KCTD16: variants seen among roughly 807,000 people sequenced by gnomAD.
The protein encoded by KCTD16 is BTB/POZ domain-containing protein KCTD16.
KCTD16 carries 13 observed loss-of-function variants against 33.2 expected under a neutral mutation model. The observed-to-expected ratio is 0.39, with a 90% confidence interval of 0.25 to 0.62. The LOEUF (loss-of-function observed/expected upper bound fraction) is 0.62, where lower values mean the gene tolerates loss of function less well. KCTD16 is among the 20% of genes least tolerant of loss of function. KCTD16 has a pLI of 0.50. For missense variants in KCTD16, 441 were observed against 525.1 expected, an observed-to-expected ratio of 0.84 and a Z score of 1.57; for synonymous variants, 197 against 195.3, an observed-to-expected ratio of 1.01 and a Z score of -0.07.
At chr5:144,216,999 C>A (rs1753584739) in intron 3 of KCTD16, among the ~76,000 whole-genome samples, 1 of 152,072 alleles carries the variant, frequency 6.6e-6, no homozygotes, top group South Asian at 2.1e-4. Flanking sequence ...GACTCTGGAG[C>A]AGCACAGAAA....
chr5:144,447,335 C>T (rs1479047090), intron 3 of KCTD16, among the ~76,000 whole-genome samples: 1 of 152,150 alleles, frequency 6.6e-6, no homozygotes, highest in African/African-American at 2.4e-5. Flanking sequence ...CATGTTCTCA[C>T]TCATAAGTGG....
chr5:144,183,057 AT>A lies in KCTD16; in HGVS notation c.-327+8586del, dbSNP rs201666910. Among the ~76,000 whole-genome samples the A allele has an allele frequency of 2.0e-3, 301 of 152,036 alleles. 10 individuals are homozygous for A. The East Asian group carries it at 0.055, about 28-fold the overall frequency. On this transcript the variant is annotated intron_variant, in intron 2 of 3. Transcript: ENST00000512467. ...ATGTAATGAAACATAAAAAAAAAAAATAAAAGAGTGGGAGTAAGACCAAAGC... is the reference window on the plus strand; with the variant it reads ...ATGTAATGAAACATAAAAAAAAAAAAAAAAGAGTGGGAGTAAGACCAAAGC...
intron 3 of KCTD16, among the ~76,000 whole-genome samples, chr5:144,461,598 G>A (rs542368814): frequency 7.9e-5 from 12 of 152,152 alleles, no homozygotes; most frequent in African/African-American, 2.7e-4. Flanking sequence ...TCCTCAGTCC[G>A]TCCTTATAGC....
At chr5:144,175,025 G>A (rs1478246965) in intron 2 of KCTD16, among the ~76,000 whole-genome samples, 4 of 152,124 alleles carry the variant, frequency 2.6e-5, no homozygotes, top group African/African-American at 4.8e-5. Flanking sequence ...AAAACAGCAC[G>A]GGAGAACTCA....
rs577516404 is a variant in KCTD16, at chr5:144,481,652, A to G, written c.*7538A>G. The G allele has an allele frequency of 1.4e-3, 220 of 151,990 alleles. 2 individuals are homozygous for G. Among genetic ancestry groups the G allele is most frequent in the African/African-American group, 4.9e-3 (203 of 41,510 alleles). The allele number at this position is 151,990 out of a possible 1,614,324, so 9.4% of individuals were successfully genotyped here. On this transcript the variant is annotated 3_prime_UTR_variant, in exon 4 of 4. Transcript: ENST00000512467. ...GAAACTAAGGACCCAGAAAGTTTAA[A>G]TCGGTCATTTATTTGTTTGTTTATG...
At chr5:144,259,128 G>A (rs1364587708) in intron 3 of KCTD16, among the ~76,000 whole-genome samples, 11 of 151,924 alleles carry the variant, frequency 7.2e-5, no homozygotes, top group Non-Finnish European at 1.3e-4. Context: ...GGTGGTGGCA[G>A]GTGCCTGTAG....
intron 3 of KCTD16, among the ~76,000 whole-genome samples, chr5:144,234,605 G>A (rs1292338114): frequency 1.3e-5 from 2 of 152,022 alleles, no homozygotes; most frequent in Non-Finnish European, 2.9e-5. Flanking sequence ...AGCTTTATGA[G>A]GCCGGATAAA....
intron 3 of KCTD16, among the ~76,000 whole-genome samples, chr5:144,351,189 T>TCTTTCC (rs1751418592): frequency 6.6e-6 from 1 of 152,190 alleles, no homozygotes; most frequent in African/African-American, 2.4e-5. Context: ...CTCTGCCTCA[T>TCTTTCC]CTTTCCCTTT....
intron 3 of KCTD16, among the ~76,000 whole-genome samples, chr5:144,375,315 T>C (rs1263861154): frequency 6.6e-6 from 1 of 152,226 alleles, no homozygotes; most frequent in African/African-American, 2.4e-5. Context: ...CAAAATATAT[T>C]TCCTTTTTTC....
chr5:144,342,577 T>A (rs570707655), intron 3 of KCTD16, among the ~76,000 whole-genome samples: 1 of 152,308 alleles, frequency 6.6e-6, no homozygotes, highest in East Asian at 1.9e-4. Flanking sequence ...TATTTCCTTC[T>A]CCTGCCTGAT....
At chr5:144,240,851 C>T (rs1440954068) in intron 3 of KCTD16, among the ~76,000 whole-genome samples, 1 of 152,144 alleles carries the variant, frequency 6.6e-6, no homozygotes, top group African/African-American at 2.4e-5. Flanking sequence ...AGGCGGTTTG[C>T]TCTTCTCAGT....
At chr5:144,299,072 A>ATATATATATATATT (rs1491103244) in intron 3 of KCTD16, among the ~76,000 whole-genome samples, 4 of 57,434 alleles carry the variant, frequency 7.0e-5, no homozygotes, top group Non-Finnish European at 1.3e-4. Flanking sequence ...ATATATATAT[A>ATATATATATATATT]TTTTTGTATA....
intron 3 of KCTD16, among the ~76,000 whole-genome samples, chr5:144,307,875 G>C (rs1403181004): frequency 6.6e-6 from 1 of 152,232 alleles, no homozygotes; most frequent in African/African-American, 2.4e-5. Flanking sequence ...GCCCCAGAGT[G>C]TCATTAGGGA....
chr5:144,331,501 G>A (rs1032238959), intron 3 of KCTD16, among the ~76,000 whole-genome samples: 2 of 152,164 alleles, frequency 1.3e-5, no homozygotes, highest in Non-Finnish European at 1.5e-5. Flanking sequence ...AAAGCAGGGA[G>A]TATATAATTA....
At chr5:144,394,484 A>G (rs993961530) in intron 3 of KCTD16, among the ~76,000 whole-genome samples, 3 of 152,244 alleles carry the variant, frequency 2.0e-5, no homozygotes, top group African/African-American at 7.2e-5. Context: ...TGAACTGGAC[A>G]TGACTAATGA....
intron 3 of KCTD16, among the ~76,000 whole-genome samples, chr5:144,288,762 G>C (rs1390052000): frequency 6.6e-6 from 1 of 152,150 alleles, no homozygotes; most frequent in East Asian, 1.9e-4. Context: ...TTGAGGTCAG[G>C]AGTTCGAGAC....
intron 3 of KCTD16, among the ~76,000 whole-genome samples, chr5:144,409,386 T>C (rs1214652784): frequency 1.3e-5 from 2 of 152,182 alleles, no homozygotes; most frequent in Non-Finnish European, 2.9e-5. Context: ...TCTATACAAG[T>C]AGTTTCTACT....
chr5:144,334,515 G>A (rs1935082691), intron 3 of KCTD16, among the ~76,000 whole-genome samples: 1 of 152,130 alleles, frequency 6.6e-6, no homozygotes, highest in Non-Finnish European at 1.5e-5. Context: ...ACAAAAAGTT[G>A]CCCTTCTGGT....
chr5:144,263,554 A>G (rs1230555752), intron 3 of KCTD16, among the ~76,000 whole-genome samples: 1 of 152,172 alleles, frequency 6.6e-6, no homozygotes, highest in Non-Finnish European at 1.5e-5. Context: ...AATTATAGTG[A>G]TTGTCCAGGT....
Sources: allele counts gnomAD v4.1 joint callset (sites outside exome capture counted in the v4.1 genomes callset), GRCh38; gene constraint gnomAD v4.1.1; transcripts MANE v1.5; gene names NCBI Gene and HGNC (gene_info 2026-07-23, HGNC 2026-07-21).